The following GPAT4 variants were observed in gnomAD, a reference collection of about 807,000 sequenced individuals.
GPAT4 encodes 1-AGP acyltransferase 6.
In GPAT4, 17 loss-of-function variants were observed where a neutral mutation model predicts 58.0. The observed-to-expected ratio is 0.29, with a 90% CI of 0.20 to 0.44. GPAT4 has a LOEUF of 0.44. Among genes scored for constraint, GPAT4 ranks in the 20% least tolerant of loss-of-function variants. GPAT4 has a pLI of 1.00. For missense variants in GPAT4, 377 were observed against 574.5 expected, an observed-to-expected ratio of 0.66 and a Z score of 3.51; for synonymous variants, 204 against 210.1, an observed-to-expected ratio of 0.97 and a Z score of 0.25.
chr8:41,615,638 C>T (rs914933995), intron 10 of GPAT4, among the ~76,000 whole-genome samples: 4 of 152,152 alleles, frequency 2.6e-5, no homozygotes, highest in Admixed American at 6.5e-5. Context: ...ATGTGATTAG[C>T]TAGTCATCTG....
At chr8:41,584,341 A>G (rs1802598537) in intron 1 of GPAT4, among the ~76,000 whole-genome samples, 1 of 152,240 alleles carries the variant, frequency 6.6e-6, no homozygotes, top group Non-Finnish European at 1.5e-5. Flanking sequence ...AAGAGAAATG[A>G]AGTATATGTC....
At chr8:41,604,213 C>T (rs572756651) in intron 2 of GPAT4, among the ~76,000 whole-genome samples, 26 of 152,050 alleles carry the variant, frequency 1.7e-4, no homozygotes, top group Non-Finnish European at 2.8e-4. Context: ...AACTGGATAC[C>T]TAATAGTTCA....
Position 41,598,827 on chromosome 8 carries a change from T to G in GPAT4, c.-313T>G, listed in dbSNP as rs1803004334. 6 of 318,114 alleles carry G rather than the reference T, an allele frequency of 1.9e-5. No homozygotes were observed. The highest frequency in any genetic ancestry group is 3.4e-5 in the Non-Finnish European group (6 of 176,610). 19.7% of individuals were successfully genotyped at this position (318,114 alleles called of 1,614,324 possible). ...AGCAGAGCAGAGCCCCCGTCCTCACTGCTCACTTGCACAGAAACTCCATCT... is the reference window on the plus strand; with the variant it reads ...AGCAGAGCAGAGCCCCCGTCCTCACGGCTCACTTGCACAGAAACTCCATCT... On this transcript the variant is annotated 5_prime_UTR_variant, in exon 2 of 13. Transcript: ENST00000396987.
chr8:41,619,065 G>A, intron 12 of GPAT4, 88 bp downstream of exon 12: 1 of 1,495,470 alleles, frequency 6.7e-7, no homozygotes, highest in East Asian at 2.3e-5. Context: ...CCCGTGGTGT[G>A]GAGAATTAAA....
At chr8:41,603,276 C>G (rs941646033) in intron 2 of GPAT4, among the ~76,000 whole-genome samples, 11 of 152,132 alleles carry the variant, frequency 7.2e-5, no homozygotes, top group Non-Finnish European at 1.6e-4. Flanking sequence ...CCTGTAATCC[C>G]GGCACTTTGG....
At position 41,618,685 on chromosome 8, in the gene GPAT4, A is replaced by G; in HGVS notation, c.1055A>G (p.Tyr352Cys). The change falls in exon 11 of 13, where the codon TAT becomes TGT. Residue 352 changes from tyrosine to cysteine, a missense_variant and splice_region_variant. Coordinates refer to ENST00000396987, the MANE Select transcript of GPAT4 (RefSeq NM_178819.4). The stretch of plus-strand genomic sequence containing the variant: ...CCTCCAGCTTTCCATTGTTTTCAGT[A>G]TGACCCTCAATTTGGCGATGCCTTC... ...GATVYPVAIKYDPQFGDAFWN... is the reference protein window; with the variant it reads ...GATVYPVAIKCDPQFGDAFWN... 6.2e-7 allele frequency: 1 copy of G among 1,614,082 alleles called. No homozygotes were observed. The highest frequency in any genetic ancestry group is 8.5e-7 in the Non-Finnish European group (1 of 1,180,022).
Position 41,607,461 on chromosome 8 carries a change from G to C in GPAT4, c.166-1955G>C, listed in dbSNP as rs116640887. The stretch of plus-strand genomic sequence containing the variant: ...CTCAGACTGAAATTGTCATCTGAGA[G>C]GCCTTATGTCATATATTCTCTGCCT... On this transcript the variant is annotated intron_variant, in intron 2 of 12. Transcript: ENST00000396987. Among the ~76,000 whole-genome samples, 688 of 152,230 alleles carry C rather than the reference G, an allele frequency of 4.5e-3. 9 individuals are homozygous for C. The highest frequency in any genetic ancestry group is 0.016 in the African/African-American group (673 of 41,532).
chr8:41,617,416 C>T (rs1344205257), intron 10 of GPAT4, among the ~76,000 whole-genome samples: 1 of 152,096 alleles, frequency 6.6e-6, no homozygotes, highest in Non-Finnish European at 1.5e-5. Flanking sequence ...ACTTTCTGAT[C>T]ATACACATTG....
At chr8:41,599,937 A>G (rs1003328665) in intron 2 of GPAT4, among the ~76,000 whole-genome samples, 5 of 151,996 alleles carry the variant, frequency 3.3e-5, no homozygotes, top group Admixed American at 2.0e-4. Context: ...GTCTGTTTTT[A>G]GTAGTCACCA....
In GPAT4 at chr8:41,599,129, G is replaced by T. The variant is rs762211959; in HGVS notation, c.-11G>T. 1 of 1,608,794 alleles carries T rather than the reference G, an allele frequency of 6.2e-7. No homozygotes were observed. The highest frequency in any genetic ancestry group is 1.7e-5 in the Admixed American group (1 of 58,226). ...GGGAGGCAGGTGCTGGCCTGGCCTG[G>T]ATCTTCCACCATGTTCCTGTTGCTG... is the stretch of plus-strand genomic sequence containing the variant. On this transcript the variant is annotated 5_prime_UTR_variant, in exon 2 of 13. Transcript: ENST00000396987.
Position 41,623,037 on chromosome 8 carries a change from C to T in GPAT4, c.*2036C>T, listed in dbSNP as rs555443154. 6.6e-5 allele frequency: 10 copies of T among 152,314 alleles called. No individual in the cohort carries two copies. Among genetic ancestry groups the T allele is most frequent in the Non-Finnish European group, 1.0e-4 (7 of 68,018 alleles). The allele number at this position is 152,314 out of a possible 1,614,324, so 9.4% of individuals were successfully genotyped here. A position where few individuals can be genotyped will look rare whatever the true frequency, so the allele number is the denominator to read the frequency against. ...ATAGGTATTTATATATACACACACA[C>T]ACAGGTTTTGCTTTTGTCTCACATT... On this transcript the variant is annotated 3_prime_UTR_variant, in exon 13 of 13. Coordinates refer to ENST00000396987, the MANE Select transcript of GPAT4 (RefSeq NM_178819.4).
intron 2 of GPAT4, among the ~76,000 whole-genome samples, chr8:41,607,150 T>C (rs1190802944): frequency 1.3e-5 from 2 of 152,122 alleles, no homozygotes; most frequent in African/African-American, 4.8e-5. Context: ...CTGCCCATAG[T>C]GCTGGGATTA....
chr8:41,599,244 T>C lies in GPAT4; in HGVS notation c.105T>C (p.Ile35=), dbSNP rs1803016746. ...TCGTTTTCATCATAGTGCCAGCCATTTTTGGAGTCTCCTTTGGTATCCGCA... is the reference window on the plus strand; with the variant it reads ...TCGTTTTCATCATAGTGCCAGCCATCTTTGGAGTCTCCTTTGGTATCCGCA... The part of the protein sequence containing the change: ...LLLVFIIVPA[I]FGVSFGIRKL... Residue 35 remains isoleucine, a synonymous_variant, in exon 2 of 13, where the codon ATT becomes ATC. Transcript: ENST00000396987. 1.2e-6 allele frequency: 2 copies of C among 1,614,148 alleles called. No individual in the cohort carries two copies. The highest frequency in any genetic ancestry group is 1.7e-6 in the Non-Finnish European group (2 of 1,180,026).
chr8:41,591,887 A>G (rs527995382), intron 1 of GPAT4, among the ~76,000 whole-genome samples: 1 of 152,340 alleles, frequency 6.6e-6, no homozygotes, highest in South Asian at 2.1e-4. Context: ...ATCTATTTTG[A>G]TAGATAGCAT....
chr8:41,609,860 C>G lies in GPAT4; in HGVS notation c.441C>G (p.Ser147Arg), dbSNP rs1347110962. ...AACTGGAGTCCTGGAACCTGCTGAG[C>G]AGAACCAATTATAACTTCCAGTACA... is the stretch of plus-strand genomic sequence containing the variant. ...AEELESWNLL[S>R]RTNYNFQYIS... The change falls in exon 4 of 13, where the codon AGC (serine) becomes AGG (arginine). Residue 147 changes from serine (S) to arginine (R), a missense_variant. By Grantham distance (110) the Ser-to-Arg change is moderately radical. Transcript: ENST00000396987. 1 of 1,614,226 alleles carries G rather than the reference C, an allele frequency of 6.2e-7. No individual in the cohort carries two copies. The highest frequency in any genetic ancestry group is 1.1e-5 in the South Asian group (1 of 91,086).
Position 41,578,282 on chromosome 8 carries a change from A to T in GPAT4, c.-849+4A>T, listed in dbSNP as rs1802415110. 6.6e-6 allele frequency: 1 copy of T among 151,492 alleles called. No individual in the cohort carries two copies. Among genetic ancestry groups the T allele is most frequent in the African/African-American group, 2.4e-5 (1 of 41,316 alleles). 9.4% of individuals were successfully genotyped at this position (151,492 alleles called of 1,614,324 possible). ...GAGCTGCCTAGCCTCGCGGTCGGTG[A>T]GTAGGAGGGAGCTGGCCCCTTACCT... On this transcript the variant is annotated splice_donor_region_variant and intron_variant, in intron 1 of 12. Transcript: ENST00000396987.
chr8:41,609,620 A>G (rs367708665), intron 3 of GPAT4, 35 bp from the exon 4 acceptor site: 6 of 1,607,144 alleles, frequency 3.7e-6, no homozygotes, highest in Non-Finnish European at 3.4e-6. Context: ...GCTCTCCCCC[A>G]GCGTGCTGCT....
chr8:41,595,160 T>TG (rs1189134516), intron 1 of GPAT4, among the ~76,000 whole-genome samples: 5 of 150,348 alleles, frequency 3.3e-5, no homozygotes, highest in African/African-American at 9.7e-5. Context: ...GGTATAGTTT[T>TG]TTTTTTTTTT....
intron 2 of GPAT4, among the ~76,000 whole-genome samples, chr8:41,600,036 C>CTTTTTTTTTTTTTTTTTTTTTTT (rs758905649): frequency 1.0e-5 from 1 of 100,332 alleles, no homozygotes; most frequent in Non-Finnish European, 1.9e-5. Context: ...TTTTTCTTTT[C>CTTTTTTTTTTTTTTTTTTTTTTT]TTTTTTTTTT....
Sources: gnomAD v4.1 joint callset for allele counts (sites outside exome capture counted in the v4.1 genomes callset) on GRCh38, gnomAD v4.1.1 for gene constraint, MANE v1.5 for transcripts, NCBI Gene and HGNC (gene_info 2026-07-23, HGNC 2026-07-21) for gene names.